ATAD2B: variants seen among roughly 807,000 people sequenced by gnomAD.
The protein encoded by ATAD2B is ATPase family AAA domain-containing protein 2B.
In ATAD2B, 40 loss-of-function variants were observed where a neutral mutation model predicts 167.6. The observed-to-expected ratio is 0.24, with a 90% CI of 0.19 to 0.31. The LOEUF (loss-of-function observed/expected upper bound fraction) is 0.31, where lower values mean the gene tolerates loss of function less well. ATAD2B is among the 10% of genes least tolerant of loss of function. The pLI is 1.00. For missense variants in ATAD2B, 1,242 were observed against 1,757.2 expected (o/e 0.71, Z 5.24); for synonymous variants, 579 against 596.5 (o/e 0.97, Z 0.43).
intron 10 of ATAD2B, chr2:23,865,875 T>A (rs1695058707): frequency 2.5e-6 from 1 of 400,054 alleles, no homozygotes; most frequent in African/African-American, 2.2e-5. Flanking sequence ...GAAAGCTTTG[T>A]AAGAAAAAAA....
At chr2:23,756,420 C>T (rs546989118) in intron 25 of ATAD2B, among the ~76,000 whole-genome samples, 7 of 152,058 alleles carry the variant, frequency 4.6e-5, no homozygotes, top group Non-Finnish European at 8.8e-5. Context: ...CCACATAGCC[C>T]AAATCCCAGG....
At chr2:23,910,867 C>CA (rs1558787024) in intron 1 of ATAD2B, among the ~76,000 whole-genome samples, 1 of 145,032 alleles carries the variant, frequency 6.9e-6, no homozygotes, top group Non-Finnish European at 1.5e-5. Context: ...GACTCTGTCT[C>CA]AAAAAAATAT....
At chr2:23,687,846 A>G in the ATAD2B span, among the ~76,000 whole-genome samples, 4 of 152,144 alleles carry the variant, frequency 2.6e-5, no homozygotes, top group African/African-American at 9.7e-5. Flanking sequence ...GAGGGAGGCT[A>G]GACCTGGGTC....
intron 19 of ATAD2B, among the ~76,000 whole-genome samples, chr2:23,791,306 T>G (rs192825110): frequency 1.2e-4 from 19 of 152,042 alleles, no homozygotes; most frequent in African/African-American, 4.6e-4. Flanking sequence ...TAACTAGGAG[T>G]GGAATTGCTG....
the ATAD2B span, among the ~76,000 whole-genome samples, chr2:23,736,045 A>G: frequency 6.6e-6 from 1 of 152,210 alleles, no homozygotes; most frequent in Non-Finnish European, 1.5e-5. Flanking sequence ...AAAATAACAC[A>G]ACACTAAGCA....
chr2:23,733,761 C>T, the ATAD2B span, among the ~76,000 whole-genome samples: 2 of 152,172 alleles, frequency 1.3e-5, no homozygotes, highest in Non-Finnish European at 2.9e-5. Context: ...GATTCTACCT[C>T]TAAATTTCCT....
At chr2:23,892,336 T>G (rs1201338032) in intron 2 of ATAD2B, among the ~76,000 whole-genome samples, 1 of 152,116 alleles carries the variant, frequency 6.6e-6, no homozygotes, top group Non-Finnish European at 1.5e-5. Flanking sequence ...GCTAATTTTT[T>G]GTATTTTTTA....
the ATAD2B span, among the ~76,000 whole-genome samples, chr2:23,681,496 C>T: frequency 6.5e-4 from 99 of 152,218 alleles, no homozygotes; most frequent in African/African-American, 2.3e-3. The surrounding 1 kb of genome is among the most constrained non-coding windows in gnomAD (Gnocchi z 4.2). Flanking sequence ...CAGGATGCCT[C>T]GGGCCCAGAA....
At chr2:23,740,899 T>A in the ATAD2B span, among the ~76,000 whole-genome samples, 1 of 152,158 alleles carries the variant, frequency 6.6e-6, no homozygotes, top group Non-Finnish European at 1.5e-5. Context: ...AGCACTCTTA[T>A]ACACCAATAA....
the ATAD2B span, among the ~76,000 whole-genome samples, chr2:23,678,972 C>T: frequency 1.2e-3 from 189 of 151,480 alleles, no homozygotes; most frequent in African/African-American, 4.3e-3. Flanking sequence ...GAAAAGGATT[C>T]CAGAGGATTG....
chr2:23,697,889 A>C, the ATAD2B span: 2 of 152,200 alleles, frequency 1.3e-5, no homozygotes, highest in Non-Finnish European at 2.9e-5. Flanking sequence ...ATAATAAACA[A>C]ACACATGAAA....
In ATAD2B at chr2:23,862,401, GTTTTTTTTTT is replaced by G. The variant is rs750865073; in HGVS notation, c.1479+970_1479+979del. On this transcript the variant is annotated intron_variant, in intron 12 of 27. Coordinates refer to ENST00000238789, the MANE Select transcript of ATAD2B (RefSeq NM_017552.4). ...CAAAAGTGAATTTATATTTGGACTG[GTTTTTTTTTT>G]TTTTTTTTTTTTTTTGAGAGACAGA... is the stretch of plus-strand genomic sequence containing the variant. Among the ~76,000 whole-genome samples, 45 of 99,436 alleles carry G rather than the reference GTTTTTTTTTT, an allele frequency of 4.5e-4. 1 individual carries two copies. Among genetic ancestry groups the G allele is most frequent in the East Asian group, 3.5e-3 (11 of 3,108 alleles). The allele number at this position is 99,436 out of a possible 152,430, so 65.2% of individuals were successfully genotyped here.
intron 18 of ATAD2B, among the ~76,000 whole-genome samples, chr2:23,803,720 G>T (rs1356172587): frequency 6.6e-6 from 1 of 152,174 alleles, no homozygotes; most frequent in Non-Finnish European, 1.5e-5. Flanking sequence ...TCTTGTGCAT[G>T]TATGTTTTAA....
chr2:23,763,079 TAAAG>T (rs375709708), intron 23 of ATAD2B, among the ~76,000 whole-genome samples: 3 of 152,272 alleles, frequency 2.0e-5, no homozygotes, highest in East Asian at 3.9e-4. Context: ...CTGAATTTCC[TAAAG>T]ATAGATCAAA....
the ATAD2B span, chr2:23,695,689 G>A: frequency 6.4e-7 from 1 of 1,551,666 alleles, no homozygotes; most frequent in East Asian, 2.4e-5. The surrounding 1 kb of genome is among the most constrained non-coding windows in gnomAD (Gnocchi z 7.6). Flanking sequence ...GCTCAATGTG[G>A]TTGACAATGA....
At chr2:23,710,009 G>A in the ATAD2B span, among the ~76,000 whole-genome samples, 14 of 152,322 alleles carry the variant, frequency 9.2e-5, no homozygotes, top group East Asian at 2.5e-3. Flanking sequence ...AGGAGTCCAT[G>A]AGACAAAGGG....
rs528768176 is a variant in ATAD2B, at chr2:23,818,734, T to A, written c.2267+1013A>T. Among the ~76,000 whole-genome samples, 39 of 152,338 alleles carry A rather than the reference T, an allele frequency of 2.6e-4. 1 individual carries two copies. In the South Asian group the frequency reaches 8.1e-3, roughly 32 times the overall value. On this transcript the variant is annotated intron_variant, in intron 17 of 27. Transcript: ENST00000238789. ...AGAAGTGCTATTAGATCTACCTGACTGAAGCTTTATGGTCCTTCAACTATG... is the reference window on the plus strand; with the variant it reads ...AGAAGTGCTATTAGATCTACCTGACAGAAGCTTTATGGTCCTTCAACTATG...
At chr2:23,701,530 T>C in the ATAD2B span, among the ~76,000 whole-genome samples, 5,041 of 152,188 alleles carry the variant, frequency 0.033, 101 homozygotes, top group South Asian at 0.087. Flanking sequence ...CTGGGCAACA[T>C]AGGGAGACCT....
chr2:23,848,072 G>A (rs184220709), intron 13 of ATAD2B, among the ~76,000 whole-genome samples: 13 of 151,644 alleles, frequency 8.6e-5, no homozygotes, highest in East Asian at 1.9e-4. Context: ...TGTAAGAAAC[G>A]TATACATAAA....
Sources: gnomAD v4.1 joint callset for allele counts (sites outside exome capture counted in the v4.1 genomes callset) on GRCh38, gnomAD v4.1.1 for gene constraint, Gnocchi (gnomAD v3.1) non-coding constraint, MANE v1.5 for transcripts, NCBI Gene and HGNC (gene_info 2026-07-23, HGNC 2026-07-21) for gene names.